The following GALNT10 variants were observed in gnomAD, a reference collection of about 807,000 sequenced individuals.
GALNT10 encodes GalNAc transferase 10.
GALNT10 carries 41 observed loss-of-function variants against 75.0 expected under a neutral mutation model. The ratio of observed to expected loss-of-function variants is 0.55; its 90% CI spans 0.43 to 0.71. The LOEUF is 0.71. Among genes scored for constraint, GALNT10 ranks in the 30% least tolerant of loss-of-function variants. The probability of loss-of-function intolerance (pLI) is 0.00; values close to 1 mark genes in which losing one functional copy is unlikely to be tolerated. For missense variants in GALNT10, 727 were observed against 818.5 expected, an observed-to-expected ratio of 0.89 and a Z score of 1.36; for synonymous variants, 302 against 313.0, an observed-to-expected ratio of 0.96 and a Z score of 0.37.
At chr5:154,246,355 C>A (rs1044480613) in intron 1 of GALNT10, among the ~76,000 whole-genome samples, 18 of 152,264 alleles carry the variant, frequency 1.2e-4, no homozygotes, top group African/African-American at 4.1e-4. Flanking sequence ...AATGGTATTT[C>A]CAGTTCTAGA....
chr5:154,283,010 G>C (rs1225405038), intron 1 of GALNT10, among the ~76,000 whole-genome samples: 2 of 152,166 alleles, frequency 1.3e-5, no homozygotes, highest in Non-Finnish European at 2.9e-5. Context: ...AAGCTTGCCT[G>C]AGGGTTTAGA....
At position 154,294,923 on chromosome 5, in the gene GALNT10, G is replaced by A. The variant is rs528650862; in HGVS notation, c.262+5G>A. 1.0e-5 allele frequency: 15 copies of A among 1,443,876 alleles called. No homozygotes were observed. Among genetic ancestry groups the A allele is most frequent in the African/African-American group, 8.4e-5 (6 of 71,744 alleles). The allele number at this position is 1,443,876 out of a possible 1,614,324, so 89.4% of individuals were successfully genotyped here. On this transcript the variant is annotated splice_donor_5th_base_variant and intron_variant, in intron 2 of 11. Transcript: ENST00000297107. ...GGAGGGACGCTCAGCGCGTAGGTAC[G>A]GAGGGCAGGATTGGCCATGGGTGGG...
At chr5:154,261,959 T>C (rs1487385193) in intron 1 of GALNT10, among the ~76,000 whole-genome samples, 1 of 152,164 alleles carries the variant, frequency 6.6e-6, no homozygotes, top group East Asian at 1.9e-4. Flanking sequence ...TCTGCCCTAT[T>C]TGGGGATGAA....
chr5:154,334,084 T>C (rs923499273), intron 4 of GALNT10, among the ~76,000 whole-genome samples: 7 of 152,228 alleles, frequency 4.6e-5, no homozygotes, highest in South Asian at 2.1e-4. Context: ...CTGAAATTCA[T>C]AGATGCTAAC....
chr5:154,383,824 A>T (rs754762482), intron 6 of GALNT10, among the ~76,000 whole-genome samples: 3 of 152,212 alleles, frequency 2.0e-5, no homozygotes, highest in Non-Finnish European at 4.4e-5. Flanking sequence ...ATTTTCTTAT[A>T]GTACTGGGTA....
intron 1 of GALNT10, among the ~76,000 whole-genome samples, chr5:154,204,229 G>A (rs980646514): frequency 6.6e-6 from 1 of 152,162 alleles, no homozygotes; most frequent in Admixed American, 6.5e-5. Flanking sequence ...GATCCCTCCA[G>A]CTTTTGATAC....
intron 1 of GALNT10, among the ~76,000 whole-genome samples, chr5:154,191,493 C>T (rs1249924591): frequency 1.7e-5 from 2 of 116,376 alleles, no homozygotes; most frequent in Non-Finnish European, 3.2e-5. Flanking sequence ...TCAGGTCAGC[C>T]CTTTTCCTGA....
At chr5:154,387,430 A>G (rs976207799) in intron 7 of GALNT10, 2 of 152,226 alleles carry the variant, frequency 1.3e-5, no homozygotes, top group Non-Finnish European at 2.9e-5. Flanking sequence ...AGATAGCACC[A>G]TTACTGATCT....
At chr5:154,368,679 A>T (rs1391540662) in intron 4 of GALNT10, among the ~76,000 whole-genome samples, 1 of 152,216 alleles carries the variant, frequency 6.6e-6, no homozygotes, top group East Asian at 1.9e-4. Context: ...TGAAGGGCTG[A>T]TCTGTTTCCC....
intron 1 of GALNT10, among the ~76,000 whole-genome samples, chr5:154,210,910 T>C (rs1775186580): frequency 6.6e-6 from 1 of 152,188 alleles, no homozygotes; most frequent in African/African-American, 2.4e-5. Context: ...TTATCATGTC[T>C]TCAACTTTCT....
chr5:154,202,986 AACAATGGGGC>A, intron 1 of GALNT10, among the ~76,000 whole-genome samples: 1 of 152,360 alleles, frequency 6.6e-6, no homozygotes, highest in South Asian at 2.1e-4. Context: ...CCTGCCAGGG[AACAATGGGGC>A]ACGTTAAGAA....
At chr5:154,385,699 G>A (rs1412985095) in intron 6 of GALNT10, among the ~76,000 whole-genome samples, 1 of 152,196 alleles carries the variant, frequency 6.6e-6, no homozygotes, top group Non-Finnish European at 1.5e-5. Context: ...AAACTCATTA[G>A]AGAATGAATG....
rs1754811958 is a variant in GALNT10 at position 154,329,634 on chromosome 5, A to G, written c.464A>G (p.Asn155Ser). Reference sequence around the variant, plus strand: ...ACAAGCATCATCATCCCCTTCCACAACGAGGGCTGGTCCTCCCTCCTCCGC... The same window carrying G: ...ACAAGCATCATCATCCCCTTCCACAGCGAGGGCTGGTCCTCCCTCCTCCGC... ...PNTSIIIPFH[N>S]EGWSSLLRTV... The change falls in exon 4 of 12, where the codon AAC (asparagine) becomes AGC (serine). Residue 155 changes from asparagine (N) to serine (S), a missense_variant. Asn to Ser is a conservative substitution (Grantham distance 46). Coordinates refer to ENST00000297107, the MANE Select transcript of GALNT10 (RefSeq NM_198321.4). 1.9e-6 allele frequency: 3 copies of G among 1,613,392 alleles called. No homozygotes were observed. The highest frequency in any genetic ancestry group is 1.1e-5 in the South Asian group (1 of 91,066).
chr5:154,250,117 C>G (rs1262652964), intron 1 of GALNT10, among the ~76,000 whole-genome samples: 1 of 152,152 alleles, frequency 6.6e-6, no homozygotes, highest in Non-Finnish European at 1.5e-5. Flanking sequence ...GAGCTTGACA[C>G]CAGCTAGACT....
chr5:154,286,922 C>A (rs1008860447), intron 1 of GALNT10, among the ~76,000 whole-genome samples: 1 of 152,196 alleles, frequency 6.6e-6, no homozygotes, highest in Non-Finnish European at 1.5e-5. Context: ...TTTTCTCATA[C>A]AGCTTGGTCC....
chr5:154,311,716 A>G (rs1581968206), intron 3 of GALNT10, among the ~76,000 whole-genome samples: 2 of 151,940 alleles, frequency 1.3e-5, no homozygotes, highest in South Asian at 2.1e-4. Context: ...GGGTGAAGCA[A>G]TTCTCATGCT....
Position 154,417,067 on chromosome 5 carries a change from A to G in GALNT10, c.*95A>G. ...CAGGGCCCCTGTGGGCACTAGGTGT[A>G]AAAGGTGCTGGCCAAATGGTTCAGG... On this transcript the variant is annotated 3_prime_UTR_variant, in exon 12 of 12. Transcript: ENST00000297107. 1 of 1,152,214 alleles carries G rather than the reference A, an allele frequency of 8.7e-7. No homozygotes were observed. The highest frequency in any genetic ancestry group is 1.3e-6 in the Non-Finnish European group (1 of 786,984). 71.4% of individuals were successfully genotyped at this position (1,152,214 alleles called of 1,614,324 possible).
At chr5:154,261,025 A>G (rs1444892463) in intron 1 of GALNT10, among the ~76,000 whole-genome samples, 1 of 144,734 alleles carries the variant, frequency 6.9e-6, no homozygotes, top group Non-Finnish European at 1.5e-5. Flanking sequence ...GGATAGCCCT[A>G]TTAACTGCAA....
intron 3 of GALNT10, among the ~76,000 whole-genome samples, chr5:154,309,730 T>C (rs1459684345): frequency 6.6e-6 from 1 of 152,180 alleles, no homozygotes; most frequent in African/African-American, 2.4e-5. Flanking sequence ...TGGAGATGAC[T>C]TTGGGAAGAG....
Sources: gnomAD v4.1 joint callset for allele counts (sites outside exome capture counted in the v4.1 genomes callset) on GRCh38, gnomAD v4.1.1 for gene constraint, MANE v1.5 for transcripts, NCBI Gene and HGNC (gene_info 2026-07-23, HGNC 2026-07-21) for gene names.